The following TNKS1BP1 variants were observed in gnomAD, a reference collection of about 807,000 sequenced individuals.
The protein encoded by TNKS1BP1 is 182 kDa tankyrase-1-binding protein.
Under a neutral mutation model 141.1 loss-of-function variants are expected in TNKS1BP1, and 48 were observed. The observed-to-expected ratio is 0.34, with a 90% CI of 0.27 to 0.43. The LOEUF (loss-of-function observed/expected upper bound fraction) is 0.43. Among genes scored for constraint, TNKS1BP1 ranks in the 20% least tolerant of loss-of-function variants. TNKS1BP1 has a pLI of 1.00. For synonymous variants in TNKS1BP1, 875 were observed against 898.2 expected (o/e 0.97, Z 0.46); for missense variants, 2,149 against 2,226.0 (o/e 0.97, Z 0.70).
chr11:57,305,645 A>C (rs1227893530), intron 6 of TNKS1BP1, among the ~76,000 whole-genome samples: 3 of 151,338 alleles, frequency 2.0e-5, no homozygotes, highest in African/African-American at 7.2e-5. Context: ...TGCCCAGAGA[A>C]GACTGCACGG....
chr11:57,303,556 T>C (rs1006198436), intron 6 of TNKS1BP1: 18 of 152,690 alleles, frequency 1.2e-4, no homozygotes, highest in Admixed American at 9.8e-4. Context: ...TTCTTTCCTG[T>C]GGTTCTTTGT....
In TNKS1BP1 at chr11:57,312,887, A is replaced by C; in HGVS notation, c.1801T>G (p.Ser601Ala). The change falls in exon 5 of 12, where the codon TCC (serine) becomes GCC (alanine). Residue 601 changes from serine to alanine, a missense_variant. Physicochemically the swap from Ser to Ala is moderately conservative, Grantham distance 99 (BLOSUM62 1). Transcript: ENST00000358252. ...ESQEPLAGQE[S>A]PLPLATREAA... ...TCCCTGGTAGCCAGGGGGAGAGGGG[A>C]CTCCTGTCCAGCCAAGGGCTCCTGC... The C allele has an allele frequency of 6.2e-7, 1 of 1,606,302 alleles. No individual in the cohort carries two copies. The highest frequency in any genetic ancestry group is 8.5e-7 in the Non-Finnish European group (1 of 1,175,646).
intron 4 of TNKS1BP1, among the ~76,000 whole-genome samples, chr11:57,315,710 G>A (rs897822066): frequency 4.7e-5 from 7 of 147,532 alleles, no homozygotes; most frequent in Admixed American, 6.9e-5. Flanking sequence ...CCTGTTCCCT[G>A]AGAACACAGA....
chr11:57,318,657 G>C (rs1855833359), intron 3 of TNKS1BP1, among the ~76,000 whole-genome samples: 1 of 152,240 alleles, frequency 6.6e-6, no homozygotes, highest in Non-Finnish European at 1.5e-5. Flanking sequence ...CAGCACTAAG[G>C]ACAGCCTCTG....
intron 2 of TNKS1BP1, 49 bp downstream of exon 2, chr11:57,321,743 T>TGG: frequency 9.3e-5 from 110 of 1,186,614 alleles, no homozygotes; most frequent in Non-Finnish European, 1.2e-4. Flanking sequence ...GCCTCTGTCC[T>TGG]TCCCACCCCC....
chr11:57,311,258 T>G, intron 5 of TNKS1BP1: 1 of 985,926 alleles, frequency 1.0e-6, no homozygotes, highest in Middle Eastern at 5.2e-4. Flanking sequence ...GGGAGAGCCC[T>G]GGGCTCAGGG....
In TNKS1BP1 at chr11:57,301,836, A is replaced by G; in HGVS notation, c.4942T>C (p.Phe1648Leu). ...LGTKGLKVNL[F>L]PGLSPSALKA... Reference sequence around the variant, plus strand: ...AGGGCTGAGGGGCTCAGGCCAGGAAAGAGGTTGACTTTCAGCCCCTTGGTG... The same window carrying G: ...AGGGCTGAGGGGCTCAGGCCAGGAAGGAGGTTGACTTTCAGCCCCTTGGTG... The change falls in exon 9 of 12, where the codon TTT becomes CTT. Residue 1648 changes from phenylalanine (F) to leucine (L), a missense_variant. Physicochemically the swap from Phe to Leu is conservative, Grantham distance 22. Coordinates refer to ENST00000358252, the MANE Select transcript of TNKS1BP1 (RefSeq NM_033396.3). 1 of 1,614,182 alleles carries G rather than the reference A, an allele frequency of 6.2e-7. No individual in the cohort carries two copies. The highest frequency in any genetic ancestry group is 8.5e-7 in the Non-Finnish European group (1 of 1,180,024).
chr11:57,320,741 G>A, intron 2 of TNKS1BP1, 29 bp from the exon 3 acceptor site: 1 of 1,522,330 alleles, frequency 6.6e-7, no homozygotes, highest in Non-Finnish European at 8.8e-7. Context: ...TGGTGGGGGA[G>A]CTGTCAGAAG....
In TNKS1BP1 at chr11:57,302,581, C is replaced by A. The variant is rs186445377; in HGVS notation, c.4561G>T (p.Val1521Leu). Residue 1521 changes from valine to leucine, a missense_variant, in exon 7 of 12, where the codon GTG (valine) becomes TTG (leucine). By Grantham distance (32) the Val-to-Leu change is conservative. Coordinates refer to ENST00000358252, the MANE Select transcript of TNKS1BP1 (RefSeq NM_033396.3). The surrounding 1 kb of genome is among the most constrained non-coding windows in gnomAD (Gnocchi z 5.5). ...GCTGAAGAGCCCCAGGTGCCATCCA[C>A]GTCTTCTGTCTGGCTGGCCTCACCA... ...PDGEASQTEDVDGTWGSSAAR... is the reference protein window; with the variant it reads ...PDGEASQTEDLDGTWGSSAAR... 1.8e-5 allele frequency: 29 copies of A among 1,613,070 alleles called. No homozygotes were observed. Among genetic ancestry groups the A allele is most frequent in the Non-Finnish European group, 2.4e-5 (28 of 1,179,930 alleles).
Position 57,302,799 on chromosome 11 carries a change from G to T in TNKS1BP1, c.4343C>A (p.Pro1448Gln), listed in dbSNP as rs764577456. The change falls in exon 7 of 12, where the codon CCA becomes CAA. Residue 1448 changes from proline (P) to glutamine (Q), a missense_variant. Transcript: ENST00000358252. The surrounding 1 kb of genome is among the most constrained non-coding windows in gnomAD (Gnocchi z 5.5). ...CAGCAGGCCCTGGGAGCCGGAGGGT[G>T]GGGGGCGGGCCGGGCACCTGCCAGG... ...ASPGRCPARPPPSGSQGLLEE... is the reference protein window; with the variant it reads ...ASPGRCPARPQPSGSQGLLEE... 9 of 1,545,660 alleles carry T rather than the reference G, an allele frequency of 5.8e-6. No individual in the cohort carries two copies. Among genetic ancestry groups the T allele is most frequent in the African/African-American group, 1.4e-5 (1 of 73,990 alleles).
At chr11:57,320,022 A>AAACCCCCC in intron 3 of TNKS1BP1, 57 bp downstream of exon 3, 2 of 1,118,678 alleles carry the variant, frequency 1.8e-6, no homozygotes, top group East Asian at 3.1e-5. Flanking sequence ...CCCCCACCCA[A>AAACCCCCC]TCCCACCCCA....
At position 57,309,608 on chromosome 11, in the gene TNKS1BP1, C is replaced by T. The variant is rs768586181; in HGVS notation, c.3103G>A (p.Val1035Met). The change falls in exon 6 of 12, where the codon GTG becomes ATG. Residue 1035 changes from valine to methionine, a missense_variant. Transcript: ENST00000358252. This position sits in a 1 kb window ranked among gnomAD's most constrained non-coding sequence, Gnocchi z 4.3. Reference sequence around the variant, plus strand: ...CTCTGCCCGAGTGCCCCATCCGGCACGTGGGCAGTGCTAGGACTGAACAAG... The same window carrying T: ...CTCTGCCCGAGTGCCCCATCCGGCATGTGGGCAGTGCTAGGACTGAACAAG... ...GGLFSPSTAH[V>M]PDGALGQRDQ... is the part of the protein sequence containing the mutation. The T allele has an allele frequency of 9.9e-6, 16 of 1,613,832 alleles. No individual in the cohort carries two copies. Among genetic ancestry groups the T allele is most frequent in the South Asian group, 3.3e-5 (3 of 91,092 alleles).
intron 4 of TNKS1BP1, among the ~76,000 whole-genome samples, chr11:57,315,749 C>T (rs1855789458): frequency 6.6e-6 from 1 of 151,784 alleles, no homozygotes; most frequent in African/African-American, 2.4e-5. Flanking sequence ...CCCGACAACC[C>T]CCCCACCGCC....
At position 57,310,363 on chromosome 11, in the gene TNKS1BP1, C is replaced by T. The variant is rs1363337055; in HGVS notation, c.2348G>A (p.Gly783Glu). The T allele has an allele frequency of 6.2e-7, 1 of 1,614,112 alleles. No homozygotes were observed. The highest frequency in any genetic ancestry group is 8.5e-7 in the Non-Finnish European group (1 of 1,180,034). ...GGCCCACTCCCTGGTGCTCCCTTCC[C>T]CTGCTCCTTGCCCATACTTGCTGGT... ...DWTSKYGQGAGEGSTREWASR... is the reference protein window; with the variant it reads ...DWTSKYGQGAEEGSTREWASR... The change falls in exon 6 of 12, where the codon GGG becomes GAG. Residue 783 changes from glycine (G) to glutamate (E), a missense_variant. Physicochemically the swap from Gly to Glu is moderately conservative, Grantham distance 98. Transcript: ENST00000358252.
rs766274248 is a variant in TNKS1BP1, at chr11:57,321,811, C to T, written c.75G>A (p.Val25=). 1.2e-6 allele frequency: 2 copies of T among 1,613,856 alleles called. No homozygotes were observed. The highest frequency in any genetic ancestry group is 1.7e-6 in the Non-Finnish European group (2 of 1,179,962). The change falls in exon 2 of 12, where the codon GTG becomes GTA. Residue 25 remains valine (V), a synonymous_variant. Coordinates refer to ENST00000358252, the MANE Select transcript of TNKS1BP1 (RefSeq NM_033396.3). ...PLPREMEEEL[V]PTGSEPGDTR... Reference sequence around the variant, plus strand: ...TGGTACCTGGCTCAGAGCCAGTAGGCACCAGCTCCTCCTCCATCTCCCGGG... The same window carrying T: ...TGGTACCTGGCTCAGAGCCAGTAGGTACCAGCTCCTCCTCCATCTCCCGGG...
At chr11:57,315,958 A>C (rs1040866899) in intron 4 of TNKS1BP1, among the ~76,000 whole-genome samples, 4 of 151,938 alleles carry the variant, frequency 2.6e-5, no homozygotes, top group South Asian at 4.2e-4. Context: ...AAAGCCAAAA[A>C]AGCAAACCAA....
Position 57,313,379 on chromosome 11 carries a change from T to C in TNKS1BP1, c.1309A>G (p.Ser437Gly), listed in dbSNP as rs150134365. Reference sequence around the variant, plus strand: ...CCCCCCAGCTTCTCCTGGTCCTGACTGGGTGACTGGAGCACACCTTCAGAG... The same window carrying C: ...CCCCCCAGCTTCTCCTGGTCCTGACCGGGTGACTGGAGCACACCTTCAGAG... ...RFSEGVLQSPSQDQEKLGGSL... is the reference protein window; with the variant it reads ...RFSEGVLQSPGQDQEKLGGSL... Residue 437 changes from serine to glycine, a missense_variant, in exon 5 of 12, where the codon AGT (serine) becomes GGT (glycine). Ser to Gly is a moderately conservative substitution (Grantham distance 56, BLOSUM62 0). Transcript: ENST00000358252. The C allele has an allele frequency of 2.3e-4, 375 of 1,612,440 alleles. 1 individual carries two copies. Among genetic ancestry groups the C allele is most frequent in the Non-Finnish European group, 2.3e-4 (276 of 1,179,606 alleles).
rs138582701 is a variant in TNKS1BP1, at chr11:57,321,677, T to C, written c.94+115A>G. ...CATCCTGTACTGCCTTGGTACTCCTTCCCTATCTCAACAGAATCATCACTC... is the reference window on the plus strand; with the variant it reads ...CATCCTGTACTGCCTTGGTACTCCTCCCCTATCTCAACAGAATCATCACTC... On this transcript the variant is annotated intron_variant, in intron 2 of 11. Transcript: ENST00000358252. 467 of 1,227,460 alleles carry C rather than the reference T, an allele frequency of 3.8e-4. 6 individuals are homozygous for C. In the African/African-American group the frequency reaches 6.4e-3, roughly 17 times the overall value. The allele number at this position is 1,227,460 out of a possible 1,614,324, so 76.0% of individuals were successfully genotyped here.
At chr11:57,319,331 T>C (rs891450633) in intron 3 of TNKS1BP1, among the ~76,000 whole-genome samples, 3 of 152,100 alleles carry the variant, frequency 2.0e-5, no homozygotes, top group African/African-American at 7.2e-5. Context: ...CAAACATCTG[T>C]CTCTGCCTCT....
Sources: gnomAD v4.1 joint callset for allele counts (sites outside exome capture counted in the v4.1 genomes callset) on GRCh38, gnomAD v4.1.1 for gene constraint, Gnocchi (gnomAD v3.1) non-coding constraint, MANE v1.5 for transcripts, NCBI Gene and HGNC (gene_info 2026-07-23, HGNC 2026-07-21) for gene names.